The following ZNF248 variants were observed in gnomAD, a reference collection of about 807,000 sequenced individuals.
ZNF248 encodes the protein KRAB protein domain.
A neutral mutation model predicts 44.3 loss-of-function variants in ZNF248; 20 were observed. The ratio of observed to expected loss-of-function variants is 0.45; its 90% confidence interval spans 0.32 to 0.66. The LOEUF is 0.66. ZNF248 is among the 30% of genes least tolerant of loss of function. The pLI, the probability that ZNF248 is intolerant of heterozygous loss-of-function variation, is 0.04. For missense variants in ZNF248, 654 were observed against 677.0 expected (o/e 0.97, Z 0.38); for synonymous variants, 224 against 229.0 (o/e 0.98, Z 0.20).
chr10:37,839,478 CA>C (rs34718680), intron 3 of ZNF248, among the ~76,000 whole-genome samples: 29,086 of 151,410 alleles, frequency 0.19, 3,003 homozygotes, highest in Admixed American at 0.26. Context: ...GGGGTGGTCT[CA>C]AGACACCTCT....
In ZNF248 at chr10:37,818,387, G is replaced by A. The variant is rs796413835; in HGVS notation, c.330+14638C>T. Among the ~76,000 whole-genome samples the A allele has an allele frequency of 4.1e-4, 62 of 152,214 alleles. 2 individuals are homozygous for A. Among genetic ancestry groups the A allele is most frequent in the African/African-American group, 1.3e-3 (52 of 41,528 alleles). On this transcript the variant is annotated intron_variant, in intron 6 of 6. Transcript: ENST00000615949. ...GCCATTGACGCCAGAACCTCATGCCGGGCCTTTTCCTATGAGGCCTGGCTG... is the reference window on the plus strand; with the variant it reads ...GCCATTGACGCCAGAACCTCATGCCAGGCCTTTTCCTATGAGGCCTGGCTG...
At chr10:37,792,276 T>A (rs1016127708) in intron 6 of ZNF248, among the ~76,000 whole-genome samples, 1 of 152,152 alleles carries the variant, frequency 6.6e-6, no homozygotes, top group African/African-American at 2.4e-5. Flanking sequence ...TGTTTCCCTA[T>A]AAACTTCCAG....
intron 6 of ZNF248, among the ~76,000 whole-genome samples, chr10:37,787,829 TA>T (rs2048064567): frequency 2.0e-5 from 3 of 152,012 alleles, no homozygotes; most frequent in African/African-American, 7.2e-5. Context: ...ACAATTCATA[TA>T]AAAAAAGTAA....
intron 6 of ZNF248, among the ~76,000 whole-genome samples, chr10:37,806,710 A>G (rs2050614190): frequency 6.6e-6 from 1 of 152,076 alleles, no homozygotes; most frequent in African/African-American, 2.4e-5. Context: ...TTCTGTTGAT[A>G]GTGTCCTTTA....
the ZNF248 span, among the ~76,000 whole-genome samples, chr10:37,769,276 G>T: frequency 5.3e-5 from 8 of 152,156 alleles, no homozygotes; most frequent in Admixed American, 5.2e-4. Flanking sequence ...ATTTTATGAG[G>T]CCAGCACCAT....
chr10:37,797,466 A>C (rs994397224), intron 6 of ZNF248, among the ~76,000 whole-genome samples: 6 of 152,144 alleles, frequency 3.9e-5, no homozygotes, highest in Non-Finnish European at 7.4e-5. Flanking sequence ...AACATCAACA[A>C]AATTAAAACT....
At chr10:37,836,019 G>A (rs1209955879) in intron 5 of ZNF248, among the ~76,000 whole-genome samples, 3 of 152,176 alleles carry the variant, frequency 2.0e-5, no homozygotes, top group Admixed American at 6.5e-5. Context: ...CTCAGTAAAT[G>A]ATAACCTAAT....
chr10:37,795,715 G>A (rs1246203696), intron 6 of ZNF248: 1 of 152,122 alleles, frequency 6.6e-6, no homozygotes, highest in African/African-American at 2.4e-5. Flanking sequence ...TCACATTCAT[G>A]AGGCACCTTT....
chr10:37,793,701 C>A (rs189700449), intron 6 of ZNF248, among the ~76,000 whole-genome samples: 108 of 152,222 alleles, frequency 7.1e-4, no homozygotes, highest in African/African-American at 2.5e-3. Flanking sequence ...GCATATAGAT[C>A]TCAGAGACCT....
At chr10:37,849,181 C>T (rs894369485) in intron 3 of ZNF248, among the ~76,000 whole-genome samples, 2 of 152,088 alleles carry the variant, frequency 1.3e-5, no homozygotes, top group Non-Finnish European at 2.9e-5. Context: ...CACCTATAAT[C>T]CCAGCACTTT....
intron 6 of ZNF248, among the ~76,000 whole-genome samples, chr10:37,778,766 G>A (rs1248728340): frequency 2.6e-5 from 4 of 151,940 alleles, no homozygotes; most frequent in African/African-American, 9.7e-5. Flanking sequence ...TAGACTGCTA[G>A]CAAGACTAAT....
chr10:37,773,812 C>T (rs2046373066), downstream of ZNF248, among the ~76,000 whole-genome samples: 1 of 152,058 alleles, frequency 6.6e-6, no homozygotes, highest in Admixed American at 6.6e-5. Context: ...CTGTAAAGGC[C>T]CTATCTCCAA....
chr10:37,830,700 TC>T lies in ZNF248; in HGVS notation c.*914del. 1.4e-6 allele frequency: 1 copy of T among 715,380 alleles called. No individual in the cohort carries two copies. The highest frequency in any genetic ancestry group is 1.7e-6 in the Non-Finnish European group (1 of 583,648). 44.3% of individuals were successfully genotyped at this position (715,380 alleles called of 1,614,324 possible). A position where few individuals can be genotyped will look rare whatever the true frequency, so the allele number is the denominator to read the frequency against. On this transcript the variant is annotated 3_prime_UTR_variant, in exon 6 of 6. Transcript: ENST00000395867. ...TTGTCAATTTCCATGGTGTAAACACTCCCACTAAGTCCAAGCTACCAAGACA... is the reference window on the plus strand; with the variant it reads ...TTGTCAATTTCCATGGTGTAAACACTCCACTAAGTCCAAGCTACCAAGACA...
chr10:37,847,350 T>G (rs2059494473), intron 3 of ZNF248, among the ~76,000 whole-genome samples: 1 of 152,194 alleles, frequency 6.6e-6, no homozygotes, highest in Non-Finnish European at 1.5e-5. Flanking sequence ...CCTCCTCCAC[T>G]AATATCCTAG....
In ZNF248 at chr10:37,830,281, A is replaced by G. The variant is rs1191668613; in HGVS notation, c.*1334T>C. The G allele has an allele frequency of 1.0e-6, 1 of 985,316 alleles. No individual in the cohort carries two copies. Among genetic ancestry groups the G allele is most frequent in the African/African-American group, 1.7e-5 (1 of 57,240 alleles). The allele number at this position is 985,316 out of a possible 1,614,324, so 61.0% of individuals were successfully genotyped here. On this transcript the variant is annotated 3_prime_UTR_variant, in exon 6 of 6. Coordinates refer to ENST00000395867, the MANE Select transcript of ZNF248 (RefSeq NM_021045.3). ...CCCAGAGGTAGCTGAAAAACCTCAG[A>G]AAAGTACTGTTTAACTTCTTTACTG...
chr10:37,812,698 C>T (rs200904), intron 6 of ZNF248, among the ~76,000 whole-genome samples: 1 of 152,036 alleles, frequency 6.6e-6, no homozygotes, highest in African/African-American at 2.4e-5. Flanking sequence ...TCAAAGTGGT[C>T]TATGTGCCCC....
downstream of ZNF248, chr10:37,776,238 C>G (rs1034468602): frequency 1.9e-5 from 4 of 210,696 alleles, no homozygotes; most frequent in Non-Finnish European, 2.8e-5. Context: ...CACACCAACC[C>G]TCCAAGATTA....
chr10:37,824,970 G>A (rs2054142242), downstream of ZNF248, among the ~76,000 whole-genome samples: 1 of 150,376 alleles, frequency 6.6e-6, no homozygotes, highest in Admixed American at 6.6e-5. Context: ...TTACAGACGT[G>A]AGCCACCGCA....
chr10:37,836,280 A>G lies in ZNF248; in HGVS notation c.238+1337T>C, dbSNP rs148237337. On this transcript the variant is annotated intron_variant, in intron 5 of 5. Transcript: ENST00000395867. ...AGTATATACACTGCATAGATGTCAG[A>G]GAGATCCTTTTAAACTGTAAATCAA... is the stretch of plus-strand genomic sequence containing the variant. 1.1e-3 allele frequency among the ~76,000 whole-genome samples: 167 copies of G among 152,290 alleles called. 1 individual carries two copies. The highest frequency in any genetic ancestry group is 2.0e-3 in the Non-Finnish European group (135 of 68,016).
Sources: allele counts gnomAD v4.1 joint callset (sites outside exome capture counted in the v4.1 genomes callset), GRCh38; gene constraint gnomAD v4.1.1; transcripts MANE v1.5; gene names NCBI Gene and HGNC (gene_info 2026-07-23, HGNC 2026-07-21).